The following FREM1 variants were observed in gnomAD, a reference collection of about 807,000 sequenced individuals.
FREM1 encodes the protein FRAS1-related extracellular matrix protein 1.
A neutral mutation model predicts 210.1 loss-of-function variants in FREM1; 220 were observed. The ratio of observed to expected loss-of-function variants is 1.05; its 90% CI spans 0.94 to 1.17. The LOEUF is 1.17. Among genes scored for constraint, FREM1 ranks in the 50% most tolerant of loss-of-function variants. The pLI is 0.00. For synonymous variants in FREM1, 1,189 were observed against 980.2 expected (o/e 1.21, Z -3.98); for missense variants, 3,454 against 2,675.5 (o/e 1.29, Z -6.42).
chr9:14,887,923 T>C (rs1564175299), intron 1 of FREM1, among the ~76,000 whole-genome samples: 1 of 152,018 alleles, frequency 6.6e-6, no homozygotes, highest in Non-Finnish European at 1.5e-5. Context: ...TCAGCCTCCA[T>C]AGTAGCTGGG....
chr9:14,879,777 T>C (rs188189645), intron 1 of FREM1, among the ~76,000 whole-genome samples: 2 of 152,338 alleles, frequency 1.3e-5, no homozygotes, highest in East Asian at 1.9e-4. Flanking sequence ...TCTATGTATA[T>C]GCATACATGT....
Position 14,769,739 on chromosome 9 carries a change from G to A in FREM1, c.5189C>T (p.Ser1730Leu), listed in dbSNP as rs376837215. 23 of 1,612,156 alleles carry A rather than the reference G, an allele frequency of 1.4e-5. No homozygotes were observed. Among genetic ancestry groups the A allele is most frequent in the South Asian group, 3.3e-5 (3 of 90,906 alleles). ...EFQIMDPTGN[S>L]ATPQILELKW... ...GAGAATTTACATTTGAGGAGTGGCCGAGTTCCCTGTGGGGTCCATGATTTG... is the reference window on the plus strand; with the variant it reads ...GAGAATTTACATTTGAGGAGTGGCCAAGTTCCCTGTGGGGTCCATGATTTG... The change falls in exon 27 of 37, where the codon TCG becomes TTG. Residue 1730 changes from serine to leucine, a missense_variant. Ser to Leu is a moderately radical substitution (Grantham distance 145). Transcript: ENST00000380880.
At chr9:14,747,896 T>C (rs1261033744) in intron 31 of FREM1, among the ~76,000 whole-genome samples, 168 bp from the exon 32 acceptor site, 1 of 152,242 alleles carries the variant, frequency 6.6e-6, no homozygotes, top group Non-Finnish European at 1.5e-5. Flanking sequence ...TCACTAGGCC[T>C]AATCAGAATT....
At chr9:14,906,986 T>C (rs764441017) in intron 1 of FREM1, among the ~76,000 whole-genome samples, 64 of 152,300 alleles carry the variant, frequency 4.2e-4, no homozygotes, top group Non-Finnish European at 8.8e-4. Flanking sequence ...AAAAAGAGCA[T>C]TTTGGGCATC....
intron 27 of FREM1, among the ~76,000 whole-genome samples, chr9:14,765,651 G>A (rs1362957528): frequency 6.6e-6 from 1 of 152,056 alleles, no homozygotes; most frequent in Non-Finnish European, 1.5e-5. Context: ...TTTCATAAAA[G>A]CTGCTAAACA....
intron 1 of FREM1, among the ~76,000 whole-genome samples, chr9:14,870,498 C>T (rs867947757): frequency 1.3e-5 from 2 of 151,776 alleles, no homozygotes; most frequent in Middle Eastern, 6.8e-3. Context: ...TGTTTTTTTT[C>T]TTAAATTTAA....
chr9:14,790,818 T>C (rs1851178242), intron 22 of FREM1: 2 of 152,160 alleles, frequency 1.3e-5, no homozygotes, highest in South Asian at 2.1e-4. Context: ...CCTGGACCCA[T>C]CTGCATTTTC....
intron 10 of FREM1, among the ~76,000 whole-genome samples, chr9:14,840,501 CG>C (rs1825486780): frequency 6.6e-6 from 1 of 152,140 alleles, no homozygotes; most frequent in Non-Finnish European, 1.5e-5. Context: ...AGAGAGAGCG[CG>C]CAAGCTTGTA....
chr9:14,768,955 A>AACAC (rs1165863599), intron 27 of FREM1, among the ~76,000 whole-genome samples: 7 of 152,158 alleles, frequency 4.6e-5, no homozygotes, highest in African/African-American at 1.7e-4. Context: ...CAAACAAACA[A>AACAC]AATGAACAAA....
In FREM1 at chr9:14,740,060, C is replaced by A. The variant is rs947604071; in HGVS notation, c.6340+89G>T. ...ATTATTGTAAACCACTATCATTTAA[C>A]CCATGGAAGGAAGTAGCAGGGTGGT... On this transcript the variant is annotated intron_variant, in intron 36 of 36. Transcript: ENST00000380880. The A allele has an allele frequency of 1.0e-4, 76 of 741,490 alleles. No homozygotes were observed. In the Admixed American group the frequency reaches 1.6e-3, roughly 16 times the overall value. 45.9% of individuals were successfully genotyped at this position (741,490 alleles called of 1,614,324 possible). A position where few individuals can be genotyped will look rare whatever the true frequency, so the allele number is the denominator to read the frequency against.
At chr9:14,848,576 G>A in intron 7 of FREM1, 89 bp downstream of exon 7, 1 of 636,800 alleles carries the variant, frequency 1.6e-6, no homozygotes, top group Non-Finnish European at 2.7e-6. Context: ...GTATGACATA[G>A]GAATAAAACT....
chr9:14,860,934 TACACACATATAC>T (rs1297952611), intron 3 of FREM1, among the ~76,000 whole-genome samples: 1 of 114,688 alleles, frequency 8.7e-6, no homozygotes, highest in Non-Finnish European at 1.7e-5. Flanking sequence ...TATACACATA[TACACACATATAC>T]ACATATACAC....
At chr9:14,869,850 G>T (rs999331190) in intron 1 of FREM1, among the ~76,000 whole-genome samples, 1 of 152,150 alleles carries the variant, frequency 6.6e-6, no homozygotes, top group Non-Finnish European at 1.5e-5. Context: ...ATGTGTGAAA[G>T]GGACTACGAA....
chr9:14,807,825 CA>C (rs1818666038), intron 17 of FREM1, 114 bp downstream of exon 17: 5 of 771,120 alleles, frequency 6.5e-6, no homozygotes. Flanking sequence ...TATTGAAGGA[CA>C]ATTCCATATG....
chr9:14,802,672 A>G (rs1403649417), intron 19 of FREM1, among the ~76,000 whole-genome samples: 1 of 152,232 alleles, frequency 6.6e-6, no homozygotes, highest in Non-Finnish European at 1.5e-5. Context: ...GAGAGAACAA[A>G]AAAGTATTTC....
chr9:14,869,096 CAATGTG>C lies in FREM1; in HGVS notation c.-125_-120del. 1 of 631,422 alleles carries C rather than the reference CAATGTG, an allele frequency of 1.6e-6. No homozygotes were observed. The highest frequency in any genetic ancestry group is 2.3e-5 in the South Asian group (1 of 43,312). The allele number at this position is 631,422 out of a possible 1,614,324, so 39.1% of individuals were successfully genotyped here. Reference sequence around the variant, plus strand: ...CAAGGGGCAGGGTGAGGGGTCCTGACAATGTGCCCCGAGATCTTAACATGCCCCTTT... The same window carrying C: ...CAAGGGGCAGGGTGAGGGGTCCTGACCCCCGAGATCTTAACATGCCCCTTT... On this transcript the variant is annotated 5_prime_UTR_variant, in exon 2 of 37. Coordinates refer to ENST00000380880, the MANE Select transcript of FREM1 (RefSeq NM_001379081.2).
At chr9:14,769,632 G>T in intron 27 of FREM1, 92 bp downstream of exon 27, 2 of 1,291,818 alleles carry the variant, frequency 1.5e-6, no homozygotes, top group Non-Finnish European at 2.1e-6. Flanking sequence ...ATCTTCTTGG[G>T]TTCTGTTTTA....
intron 24 of FREM1, chr9:14,779,464 G>C: frequency 1.0e-6 from 1 of 984,922 alleles, no homozygotes; most frequent in Non-Finnish European, 1.2e-6. Context: ...GCAAGCTTGA[G>C]TGAGTGCCAG....
chr9:14,834,967 A>C (rs1320676917), intron 10 of FREM1, among the ~76,000 whole-genome samples: 1 of 152,180 alleles, frequency 6.6e-6, no homozygotes, highest in Non-Finnish European at 1.5e-5. Flanking sequence ...CCTTCTCAAA[A>C]GATGGTTTAT....
Sources: allele counts gnomAD v4.1 joint callset (sites outside exome capture counted in the v4.1 genomes callset), GRCh38; gene constraint gnomAD v4.1.1; transcripts MANE v1.5; gene names NCBI Gene and HGNC (gene_info 2026-07-23, HGNC 2026-07-21).